NWD1: variants seen among roughly 807,000 people sequenced by gnomAD.
NWD1 encodes NACHT domain- and WD repeat-containing protein 1.
A neutral mutation model predicts 135.1 loss-of-function variants in NWD1; 129 were observed. The observed-to-expected ratio is 0.96, with a 90% confidence interval of 0.83 to 1.11. The LOEUF is 1.11. Among genes scored for constraint, NWD1 ranks in the 50% least tolerant of loss-of-function variants. The probability of loss-of-function intolerance (pLI) is 0.00; values close to 1 mark genes in which losing one functional copy is unlikely to be tolerated. For missense variants in NWD1, 1,740 were observed against 1,851.3 expected, an observed-to-expected ratio of 0.94 and a Z score of 1.10; for synonymous variants, 773 against 786.0, an observed-to-expected ratio of 0.98 and a Z score of 0.28.
chr19:16,744,144 T>C lies in NWD1; in HGVS notation c.199-277T>C, dbSNP rs536817989. Among the ~76,000 whole-genome samples, 4 of 152,196 alleles carry C rather than the reference T, an allele frequency of 2.6e-5. No individual in the cohort carries two copies. The East Asian group carries it at 7.7e-4, about 29-fold the overall frequency. Reference sequence around the variant, plus strand: ...TGGCTCACGACAGTAATCCCAGCACTTTGTGAGGCTGAGATGAGAGGATCC... The same window carrying C: ...TGGCTCACGACAGTAATCCCAGCACCTTGTGAGGCTGAGATGAGAGGATCC... On this transcript the variant is annotated intron_variant, in intron 4 of 18. Transcript: ENST00000524140.
At chr19:16,751,899 AAGAG>A (rs960454913) in intron 6 of NWD1, among the ~76,000 whole-genome samples, 9 of 151,626 alleles carry the variant, frequency 5.9e-5, no homozygotes, top group Non-Finnish European at 1.2e-4. Context: ...AAGAAAGAGA[AAGAG>A]AGAAAAAGGG....
rs148848880 is a variant in NWD1, at chr19:16,749,585, C to T, written c.943C>T (p.Arg315Cys). 104 of 1,613,116 alleles carry T rather than the reference C, an allele frequency of 6.4e-5. 1 individual carries two copies. Among genetic ancestry groups the T allele is most frequent in the African/African-American group, 3.5e-4 (26 of 75,036 alleles). ...SSEVIQTFCGRQELLARLGQQ... is the reference protein window; with the variant it reads ...SSEVIQTFCGCQELLARLGQQ... ...GGAGGTCATTCAGACCTTCTGCGGA[C>T]GCCAGGAACTCCTGGCCCGGCTTGG... The change falls in exon 6 of 19, where the codon CGC becomes TGC. Residue 315 changes from arginine (R) to cysteine (C), a missense_variant. By Grantham distance (180) the Arg-to-Cys change is radical (BLOSUM62 -3). Coordinates refer to ENST00000524140, the MANE Select transcript of NWD1 (RefSeq NM_001007525.5).
chr19:16,802,005 G>A (rs760463280), intron 17 of NWD1, among the ~76,000 whole-genome samples: 2 of 151,980 alleles, frequency 1.3e-5, no homozygotes, highest in African/African-American at 2.4e-5. Flanking sequence ...AAAAATAATG[G>A]CCGGGCATGG....
chr19:16,750,498 A>T, intron 6 of NWD1, 87 bp downstream of exon 6: 1 of 1,060,150 alleles, frequency 9.4e-7, no homozygotes, highest in Non-Finnish European at 1.3e-6. Flanking sequence ...TATGTCACCC[A>T]GGCTGGAGTG....
chr19:16,797,453 C>A (rs1319599998), intron 15 of NWD1, among the ~76,000 whole-genome samples: 2 of 151,530 alleles, frequency 1.3e-5, no homozygotes, highest in Admixed American at 1.3e-4. Flanking sequence ...GCCTCGGCCT[C>A]CTGAGTAGCT....
Position 16,756,862 on chromosome 19 carries a change from C to G in NWD1, c.1770-2363C>G, listed in dbSNP as rs149621232. 3.5e-3 allele frequency among the ~76,000 whole-genome samples: 533 copies of G among 152,234 alleles called. 2 individuals carry two copies. The highest frequency in any genetic ancestry group is 5.8e-3 in the Non-Finnish European group (393 of 68,012). ...CACTCCCATTACCACCCGAGCTCCC[C>G]CTCTTGTCAGGTCAGCAGCATCATT... On this transcript the variant is annotated intron_variant, in intron 6 of 18. Transcript: ENST00000524140.
chr19:16,787,885 T>C (rs1345074918), intron 12 of NWD1, among the ~76,000 whole-genome samples: 4 of 65,902 alleles, frequency 6.1e-5, no homozygotes, highest in Non-Finnish European at 1.1e-4. Flanking sequence ...ACAATAATAA[T>C]AATAATAATA....
At position 16,815,422 on chromosome 19, in the gene NWD1, G is replaced by A. The variant is rs1055436759; in HGVS notation, c.*383G>A. On this transcript the variant is annotated 3_prime_UTR_variant, in exon 19 of 19. Transcript: ENST00000524140. ...TAAAGCAAAAAGAATACGTTTGCTG[G>A]TGTATATCTGGACCCATGGCTTCAG... 6 of 617,766 alleles carry A rather than the reference G, an allele frequency of 9.7e-6. No individual in the cohort carries two copies. The highest frequency in any genetic ancestry group is 1.7e-5 in the Non-Finnish European group (6 of 347,808). 38.3% of individuals were successfully genotyped at this position (617,766 alleles called of 1,614,324 possible).
chr19:16,759,372 A>T lies in NWD1; in HGVS notation c.1917A>T (p.Gly639=), dbSNP rs746734816. The change falls in exon 7 of 19, where the codon GGA becomes GGT. Residue 639 remains glycine, a synonymous_variant. Transcript: ENST00000524140. ...GGGTGCGGCTTCGTCGGGATCTGGG[A>T]TACTACTTGGCCCGGCGGCCCGTGG... The part of the protein sequence containing the change: ...LLWVRLRRDL[G]YYLARRPVDG... The T allele has an allele frequency of 3.7e-6, 6 of 1,609,934 alleles. No individual in the cohort carries two copies. Among genetic ancestry groups the T allele is most frequent in the Non-Finnish European group, 5.1e-6 (6 of 1,178,522 alleles).
chr19:16,745,853 G>C (rs940167770), intron 5 of NWD1, among the ~76,000 whole-genome samples: 6 of 152,102 alleles, frequency 3.9e-5, no homozygotes, highest in African/African-American at 1.4e-4. Flanking sequence ...GGAGTTGGAG[G>C]CTGCATTGAG....
intron 11 of NWD1, among the ~76,000 whole-genome samples, chr19:16,778,428 A>G (rs1249434815): frequency 6.6e-6 from 1 of 151,958 alleles, no homozygotes; most frequent in Non-Finnish European, 1.5e-5. Context: ...TGTCAAAAAC[A>G]TAATCCTCAT....
intron 5 of NWD1, among the ~76,000 whole-genome samples, chr19:16,746,261 G>A (rs769160367): frequency 1.3e-5 from 2 of 152,048 alleles, no homozygotes; most frequent in Admixed American, 6.6e-5. Context: ...TCAGGAGAGT[G>A]ACGTGGGAGG....
chr19:16,811,592 A>G (rs1329036425), intron 18 of NWD1, among the ~76,000 whole-genome samples: 5 of 151,888 alleles, frequency 3.3e-5, no homozygotes, highest in Non-Finnish European at 7.4e-5. Context: ...CTCAGAAAAA[A>G]AAAAAAAAGA....
chr19:16,797,954 T>G, intron 16 of NWD1, 68 bp downstream of exon 16: 1 of 1,466,434 alleles, frequency 6.8e-7, no homozygotes, highest in Non-Finnish European at 9.3e-7. Context: ...TCTTTAGGGA[T>G]TTTTGGCTGC....
At chr19:16,756,742 G>A (rs547651333) in intron 6 of NWD1, among the ~76,000 whole-genome samples, 2 of 152,168 alleles carry the variant, frequency 1.3e-5, no homozygotes, top group South Asian at 2.1e-4. Context: ...CTGCTCCGTG[G>A]CCTGTTAGGA....
chr19:16,752,214 G>GT (rs1568353482), intron 6 of NWD1, among the ~76,000 whole-genome samples: 272 of 147,044 alleles, frequency 1.8e-3, no homozygotes, highest in African/African-American at 6.7e-3. Flanking sequence ...TCAGTTTTAG[G>GT]GTTGTTTTTT....
chr19:16,810,091 G>GA (rs760930370), intron 18 of NWD1, among the ~76,000 whole-genome samples: 1 of 152,034 alleles, frequency 6.6e-6, no homozygotes, highest in Non-Finnish European at 1.5e-5. Flanking sequence ...GTTCCTAGGA[G>GA]AACTCCTGAC....
intron 3 of NWD1, among the ~76,000 whole-genome samples, chr19:16,731,566 A>G (rs1599426138): frequency 6.7e-6 from 1 of 148,546 alleles, no homozygotes. Context: ...CGGCCTCCCA[A>G]AATGCTGGGA....
At chr19:16,771,883 C>T (rs888239650) in intron 10 of NWD1, among the ~76,000 whole-genome samples, 1 of 148,628 alleles carries the variant, frequency 6.7e-6, no homozygotes, top group Non-Finnish European at 1.5e-5. Context: ...CCAACTTCTG[C>T]CTCCTGGGTT....
Sources: allele counts gnomAD v4.1 joint callset (sites outside exome capture counted in the v4.1 genomes callset), GRCh38; gene constraint gnomAD v4.1.1; transcripts MANE v1.5; gene names NCBI Gene and HGNC (gene_info 2026-07-23, HGNC 2026-07-21).